SLC16A1: variants seen among roughly 807,000 people sequenced by gnomAD.
The protein encoded by SLC16A1 is solute carrier family 16 member 1, also known as monocarboxylate transporter 1.
A neutral mutation model predicts 32.2 loss-of-function variants in SLC16A1; 11 were observed. The observed-to-expected ratio is 0.34, with a 90% CI of 0.21 to 0.56. SLC16A1 has a LOEUF of 0.56. Among genes scored for constraint, SLC16A1 ranks in the 20% least tolerant of loss-of-function variants. SLC16A1 has a pLI of 0.87. For missense variants in SLC16A1, 435 were observed against 615.0 expected (o/e 0.71, Z 3.10); for synonymous variants, 231 against 226.8 (o/e 1.02, Z -0.17).
chr1:112,923,837 C>A lies in SLC16A1; in HGVS notation c.218-1704G>T. The A allele has an allele frequency of 2.7e-6, 4 of 1,505,650 alleles. No homozygotes were observed. The South Asian group carries it at 3.4e-5, about 13-fold the overall frequency. The allele number at this position is 1,505,650 out of a possible 1,614,324, so 93.3% of individuals were successfully genotyped here. A position where few individuals can be genotyped will look rare whatever the true frequency, so the allele number is the denominator to read the frequency against. On this transcript the variant is annotated intron_variant, in intron 2 of 4. Transcript: ENST00000369626. ...ACCTCTGCAAGAGCAATGGCTGGAC[C>A]CTGCCCACTGTGTACCAGGGCATGT...
intron 1 of SLC16A1, among the ~76,000 whole-genome samples, chr1:112,930,455 T>C (rs1050826963): frequency 6.6e-6 from 1 of 152,048 alleles, no homozygotes; most frequent in Non-Finnish European, 1.5e-5. Context: ...AGTAAATGAA[T>C]TTTTTTTAAT....
At position 112,914,139 on chromosome 1, in the gene SLC16A1, A is replaced by T. The variant is rs1648421192; in HGVS notation, c.1255T>A (p.Tyr419Asn). The change falls in exon 5 of 5, where the codon TAC (tyrosine) becomes AAC (asparagine). Residue 419 changes from tyrosine (Y) to asparagine (N), a missense_variant. Coordinates refer to ENST00000369626, the MANE Select transcript of SLC16A1 (RefSeq NM_003051.4). ...LGRLNDMYGD[Y>N]KYTYWACGVV... The stretch of plus-strand genomic sequence containing the variant: ...CCACATGCCCAGTATGTGTATTTGT[A>T]GTCTCCATACATGTCATTGAGCCGA... 6.2e-7 allele frequency: 1 copy of T among 1,614,094 alleles called. No individual in the cohort carries two copies.
At chr1:112,923,330 CCTAAAG>C in intron 2 of SLC16A1, 1 of 464,516 alleles carries the variant, frequency 2.2e-6, no homozygotes, top group Non-Finnish European at 4.0e-6. Context: ...AACAGCAATC[CCTAAAG>C]CCACGCGGCC....
intron 1 of SLC16A1, among the ~76,000 whole-genome samples, chr1:112,938,296 T>C (rs764124735): frequency 6.6e-6 from 1 of 152,190 alleles, no homozygotes; most frequent in Non-Finnish European, 1.5e-5. Context: ...GCTGCTAAAG[T>C]AGATAACCTG....
intron 1 of SLC16A1, among the ~76,000 whole-genome samples, chr1:112,937,159 C>T (rs1649335982): frequency 6.6e-6 from 1 of 152,200 alleles, no homozygotes; most frequent in Non-Finnish European, 1.5e-5. Context: ...ACACATAGAA[C>T]ACCCACACAC....
chr1:112,942,393 G>C (rs1191579487), intron 1 of SLC16A1, among the ~76,000 whole-genome samples: 1 of 152,210 alleles, frequency 6.6e-6, no homozygotes, highest in East Asian at 1.9e-4. Flanking sequence ...CATAAACAAA[G>C]TTCAAGTAAC....
At chr1:112,935,787 C>T (rs1649281086) in intron 1 of SLC16A1, 1 of 152,182 alleles carries the variant, frequency 6.6e-6, no homozygotes, top group Non-Finnish European at 1.5e-5. Flanking sequence ...TTCATACTGA[C>T]AAAACAGTCT....
At chr1:112,916,496 TAAAAAAAAA>T (rs570173297) in intron 4 of SLC16A1, among the ~76,000 whole-genome samples, 10 of 61,200 alleles carry the variant, frequency 1.6e-4, no homozygotes, top group South Asian at 5.4e-4. Flanking sequence ...AAGACTGTCT[TAAAAAAAAA>T]AAAAAAAAAA....
rs1422502531 is a variant in SLC16A1, at chr1:112,944,586, T to C, written c.-45+11449A>G. On this transcript the variant is annotated intron_variant, in intron 1 of 4. Transcript: ENST00000369626. ...TACCATCCTCATTTAAAGTTATTTA[T>C]GTTTTGATGTAAATCCTGACTTCCT... Among the ~76,000 whole-genome samples, 3 of 152,260 alleles carry C rather than the reference T, an allele frequency of 2.0e-5. No homozygotes were observed. The East Asian group carries it at 5.8e-4, about 29-fold the overall frequency.
At chr1:112,955,267 A>C (rs576043192) in intron 1 of SLC16A1, 1 of 152,290 alleles carries the variant, frequency 6.6e-6, no homozygotes, top group African/African-American at 2.4e-5. Flanking sequence ...GAAAAAAAAA[A>C]AGACGTACTT....
At chr1:112,926,905 T>TA (rs1482026947) in intron 2 of SLC16A1, among the ~76,000 whole-genome samples, 1 of 128,536 alleles carries the variant, frequency 7.8e-6, no homozygotes, top group Non-Finnish European at 1.6e-5. Context: ...AATAAATAAA[T>TA]AATAAAAAAA....
At chr1:112,930,575 C>A (rs1428197808) in intron 1 of SLC16A1, among the ~76,000 whole-genome samples, 1 of 152,036 alleles carries the variant, frequency 6.6e-6, no homozygotes, top group Non-Finnish European at 1.5e-5. Flanking sequence ...TAGCTTCTCA[C>A]CACTTAAGAA....
chr1:112,955,829 C>A (rs1302499430), intron 1 of SLC16A1: 1 of 152,086 alleles, frequency 6.6e-6, no homozygotes, highest in Non-Finnish European at 1.5e-5. Flanking sequence ...CTAAGAGAGG[C>A]GCTGACCCCA....
In SLC16A1 at chr1:112,923,964, A is replaced by T. The variant is rs61734785; in HGVS notation, c.218-1831T>A. 115 of 1,486,686 alleles carry T rather than the reference A, an allele frequency of 7.7e-5. No individual in the cohort carries two copies. The African/African-American group carries it at 9.8e-4, about 13-fold the overall frequency. 92.1% of individuals were successfully genotyped at this position (1,486,686 alleles called of 1,614,324 possible). ...CAACCCTCTGGCTGGGGACCTGCTG[A>T]CTGGCAAGTACAAGTATAAGGACAA... On this transcript the variant is annotated intron_variant, in intron 2 of 4. Transcript: ENST00000369626.
chr1:112,917,051 A>T lies in SLC16A1; in HGVS notation c.1228+127T>A. On this transcript the variant is annotated intron_variant, in intron 4 of 4. Coordinates refer to ENST00000369626, the MANE Select transcript of SLC16A1 (RefSeq NM_003051.4). This position sits in a 1 kb window ranked among gnomAD's most constrained non-coding sequence, Gnocchi z 4.1. The stretch of plus-strand genomic sequence containing the variant: ...CTGTGCCAAGCATTGTCCCAGCATC[A>T]AGGGTACATAAATGAGAAAGATTTA... The T allele has an allele frequency of 8.4e-7, 1 of 1,185,108 alleles. No individual in the cohort carries two copies. 73.4% of individuals were successfully genotyped at this position (1,185,108 alleles called of 1,614,324 possible).
In SLC16A1 at chr1:112,917,068, A is replaced by G. The variant is rs935488401; in HGVS notation, c.1228+110T>C. ...CCAGCATCAAGGGTACATAAATGAGAAAGATTTATTCTTACCCAAATAGCT... is the reference window on the plus strand; with the variant it reads ...CCAGCATCAAGGGTACATAAATGAGGAAGATTTATTCTTACCCAAATAGCT... On this transcript the variant is annotated intron_variant, in intron 4 of 4. Transcript: ENST00000369626. The surrounding 1 kb of genome is among the most constrained non-coding windows in gnomAD (Gnocchi z 4.1). 7.3e-7 allele frequency: 1 copy of G among 1,362,138 alleles called. No individual in the cohort carries two copies. Among genetic ancestry groups the G allele is most frequent in the Non-Finnish European group, 1.0e-6 (1 of 970,672 alleles). The allele number at this position is 1,362,138 out of a possible 1,614,324, so 84.4% of individuals were successfully genotyped here.
intron 2 of SLC16A1, among the ~76,000 whole-genome samples, chr1:112,927,867 T>C (rs143432305): frequency 2.6e-5 from 4 of 152,282 alleles, no homozygotes; most frequent in African/African-American, 9.6e-5. Flanking sequence ...TGGTTTGTAG[T>C]CAACTTAAGA....
chr1:112,917,716 A>G lies in SLC16A1; in HGVS notation c.690T>C (p.Asn230=), dbSNP rs1195280987. ...TAGGGTGTCTTCCAATAAGATCTGT[A>G]TTTGCATCATGCAGATCTTTTTTCA... The part of the protein sequence containing the change: ...SGVKKDLHDA[N]TDLIGRHPKQ... The change falls in exon 4 of 5, where the codon AAT becomes AAC. Residue 230 remains asparagine, a synonymous_variant. Transcript: ENST00000369626. The surrounding 1 kb of genome is among the most constrained non-coding windows in gnomAD (Gnocchi z 4.1). The G allele has an allele frequency of 5.6e-6, 9 of 1,614,086 alleles. No individual in the cohort carries two copies. The South Asian group carries it at 7.7e-5, about 14-fold the overall frequency.
At chr1:112,927,145 C>T (rs1423037750) in intron 2 of SLC16A1, among the ~76,000 whole-genome samples, 1 of 145,490 alleles carries the variant, frequency 6.9e-6, no homozygotes, top group Admixed American at 6.8e-5. Flanking sequence ...AAAAATCCCA[C>T]AAAACAAAGA....
Sources: gnomAD v4.1 joint callset for allele counts (sites outside exome capture counted in the v4.1 genomes callset) on GRCh38, gnomAD v4.1.1 for gene constraint, Gnocchi (gnomAD v3.1) non-coding constraint, MANE v1.5 for transcripts, NCBI Gene and HGNC (gene_info 2026-07-23, HGNC 2026-07-21) for gene names.